Variants in BLTP1 observed in about 807,000 individuals in gnomAD.
The protein encoded by BLTP1 is bridge-like lipid transfer protein family member 1.
the BLTP1 span, chr4:122,348,887 A>G: frequency 7.3e-6 from 4 of 549,236 alleles, no homozygotes; most frequent in South Asian, 1.3e-4. Context: ...GGATACTGCA[A>G]TATAAAACAT....
chr4:122,302,049 C>T, the BLTP1 span: 2 of 187,376 alleles, frequency 1.1e-5, no homozygotes, highest in East Asian at 3.8e-4. Flanking sequence ...TGAGCCTGGG[C>T]AACAGAGTGA....
the BLTP1 span, chr4:122,336,398 A>G: frequency 7.8e-7 from 1 of 1,282,382 alleles, no homozygotes; most frequent in Non-Finnish European, 1.1e-6. Context: ...ATATTTTGGG[A>G]TCTTATTATA....
the BLTP1 span, among the ~76,000 whole-genome samples, chr4:122,163,334 G>A: frequency 6.6e-6 from 1 of 152,110 alleles, no homozygotes; most frequent in African/African-American, 2.4e-5. Flanking sequence ...AACTACCATC[G>A]GAGTTATCCC....
the BLTP1 span, chr4:122,267,051 A>ATTTTTTTT: frequency 6.8e-3 from 1,034 of 152,036 alleles, 237 homozygotes; most frequent in African/African-American, 0.054. Flanking sequence ...TAAGGAAGTA[A>ATTTTTTTT]TTTTTTTTTT....
At chr4:122,197,166 T>C in the BLTP1 span, 1 of 911,142 alleles carries the variant, frequency 1.1e-6, no homozygotes, top group Non-Finnish European at 1.7e-6. Context: ...AATTAATGTT[T>C]TATATGAATT....
At chr4:122,289,613 G>T in the BLTP1 span, 441 of 985,366 alleles carry the variant, frequency 4.5e-4, 2 homozygotes, top group African/African-American at 7.2e-3. Context: ...TGTTCCTCAA[G>T]AATAGCTTAC....
the BLTP1 span, chr4:122,337,073 G>A: frequency 6.8e-7 from 1 of 1,467,402 alleles, no homozygotes; most frequent in Non-Finnish European, 9.4e-7. Context: ...TTTTTCTTAA[G>A]TTTATTTGAA....
the BLTP1 span, chr4:122,244,084 A>G: frequency 6.7e-7 from 1 of 1,486,760 alleles, no homozygotes; most frequent in Non-Finnish European, 9.0e-7. Context: ...ACTCTGTGAT[A>G]TGATAAGTAT....
chr4:122,337,001 T>C, the BLTP1 span: 1 of 1,609,690 alleles, frequency 6.2e-7, no homozygotes, highest in Non-Finnish European at 8.5e-7. Context: ...GTAGATGTTG[T>C]GGTTTATGTA....
At chr4:122,239,701 A>G in the BLTP1 span, 1 of 1,614,142 alleles carries the variant, frequency 6.2e-7, no homozygotes, top group Non-Finnish European at 8.5e-7. Context: ...GTTGGAGTCC[A>G]GTTTAGTAGT....
chr4:122,339,547 T>C, the BLTP1 span: 2 of 608,610 alleles, frequency 3.3e-6, no homozygotes, highest in African/African-American at 3.8e-5. Context: ...GAAAGAAATC[T>C]ATAGCAGACC....
At chr4:122,298,316 A>G in the BLTP1 span, 1 of 563,260 alleles carries the variant, frequency 1.8e-6, no homozygotes, top group Non-Finnish European at 2.3e-6. Context: ...TCTTGCCTAT[A>G]GAGCCAAGAG....
chr4:122,214,374 C>T, the BLTP1 span: 1 of 944,384 alleles, frequency 1.1e-6, no homozygotes, highest in Non-Finnish European at 1.3e-6. Context: ...CAAAAGAACA[C>T]ATTTTCTCGG....
the BLTP1 span, chr4:122,175,962 G>T: frequency 1.1e-6 from 1 of 927,594 alleles, no homozygotes; most frequent in Non-Finnish European, 1.7e-6. Flanking sequence ...CATATAATCA[G>T]GATTTTATGA....
chr4:122,171,943 G>T, the BLTP1 span: 5 of 985,028 alleles, frequency 5.1e-6, no homozygotes, highest in Non-Finnish European at 6.0e-6. Flanking sequence ...CTCAGCAAAT[G>T]CCTGTTGCCA....
At chr4:122,289,013 TAGGG>T in the BLTP1 span, 2 of 1,464,064 alleles carry the variant, frequency 1.4e-6, no homozygotes, top group Non-Finnish European at 1.9e-6. Context: ...TTCCTCAGTT[TAGGG>T]TGATTTATGT....
At chr4:122,225,568 A>G in the BLTP1 span, 4 of 152,156 alleles carry the variant, frequency 2.6e-5, no homozygotes, top group Admixed American at 6.5e-5. Context: ...GATGCCCTTT[A>G]TACCTGGAAG....
the BLTP1 span, chr4:122,211,217 G>T: frequency 1.2e-6 from 1 of 863,330 alleles, no homozygotes; most frequent in South Asian, 1.8e-5. Context: ...GGATATACCA[G>T]ATATGTTGAC....
chr4:122,229,286 A>T, the BLTP1 span: 1 of 1,406,356 alleles, frequency 7.1e-7, no homozygotes, highest in South Asian at 1.4e-5. Flanking sequence ...GTTTTTACTA[A>T]ACCAAACCTC....
Sources: allele counts gnomAD v4.1 joint callset (sites outside exome capture counted in the v4.1 genomes callset), GRCh38; gene constraint gnomAD v4.1.1; transcripts MANE v1.5; gene names NCBI Gene and HGNC (gene_info 2026-07-23, HGNC 2026-07-21).